The following KCNH7 variants were observed in gnomAD, a reference collection of about 807,000 sequenced individuals.
The protein encoded by KCNH7 is voltage-gated inwardly rectifying potassium channel KCNH7.
A neutral mutation model predicts 120.8 loss-of-function variants in KCNH7; 49 were observed. The ratio of observed to expected loss-of-function variants is 0.41; its 90% CI spans 0.32 to 0.51. KCNH7 has a LOEUF of 0.51. Ranked by LOEUF, KCNH7 falls within the 20% of genes least tolerant of loss-of-function variation. KCNH7 has a pLI of 0.38. For synonymous variants in KCNH7, 547 were observed against 516.1 expected, an observed-to-expected ratio of 1.06 and a Z score of -0.81; for missense variants, 1,097 against 1,446.6, an observed-to-expected ratio of 0.76 and a Z score of 3.92.
At chr2:162,424,824 C>T (rs115657635) in intron 8 of KCNH7, among the ~76,000 whole-genome samples, 1 of 152,036 alleles carries the variant, frequency 6.6e-6, no homozygotes, top group African/African-American at 2.4e-5. Context: ...AAGCAGTGAC[C>T]CCTTGTTTTT....
chr2:162,563,594 A>T (rs17401811), intron 2 of KCNH7, among the ~76,000 whole-genome samples: 96,670 of 152,012 alleles, frequency 0.64, 32,315 homozygotes, highest in African/African-American at 0.84. Flanking sequence ...CCTTGAATTG[A>T]CAAATATGAC....
intron 6 of KCNH7, among the ~76,000 whole-genome samples, chr2:162,488,836 A>T (rs539654723): frequency 2.4e-4 from 37 of 152,178 alleles, no homozygotes; most frequent in Non-Finnish European, 4.6e-4. Context: ...GGGCTCCGAC[A>T]CCTTGCCCGG....
At chr2:162,577,548 G>T (rs1333481038) in intron 2 of KCNH7, among the ~76,000 whole-genome samples, 3 of 151,862 alleles carry the variant, frequency 2.0e-5, no homozygotes, top group Non-Finnish European at 4.4e-5. Context: ...TTAATTTGAG[G>T]CTCTTAGCAC....
chr2:162,372,518 C>A (rs1188439982), intron 15 of KCNH7, among the ~76,000 whole-genome samples: 2 of 152,034 alleles, frequency 1.3e-5, no homozygotes, highest in East Asian at 3.9e-4. Context: ...TTACCTAAAT[C>A]CACTGAAAAC....
At chr2:162,774,498 G>T (rs1683166703) in intron 2 of KCNH7, among the ~76,000 whole-genome samples, 1 of 152,098 alleles carries the variant, frequency 6.6e-6, no homozygotes, top group Admixed American at 6.6e-5. Context: ...TATCCTGTGT[G>T]GAGGGTGGGT....
At chr2:162,614,024 C>G (rs901235227) in intron 2 of KCNH7, among the ~76,000 whole-genome samples, 3 of 151,730 alleles carry the variant, frequency 2.0e-5, no homozygotes, top group Non-Finnish European at 1.5e-5. Flanking sequence ...CTCTTACCCA[C>G]TTCTAGTGGG....
chr2:162,588,109 T>C (rs1694079763), intron 2 of KCNH7, among the ~76,000 whole-genome samples: 1 of 152,012 alleles, frequency 6.6e-6, no homozygotes, highest in African/African-American at 2.4e-5. Flanking sequence ...CCATGGAATG[T>C]AGACAACTAA....
chr2:162,646,743 A>G (rs1200780916), intron 2 of KCNH7, among the ~76,000 whole-genome samples: 3 of 152,164 alleles, frequency 2.0e-5, no homozygotes, highest in Admixed American at 6.5e-5. Flanking sequence ...GATGACAGCA[A>G]AAAAAGAAAA....
chr2:162,453,273 T>A (rs910757004), intron 6 of KCNH7, among the ~76,000 whole-genome samples: 3 of 152,218 alleles, frequency 2.0e-5, no homozygotes, highest in African/African-American at 7.2e-5. Context: ...ATTGTCCATG[T>A]CCCTGCAAAG....
chr2:162,401,569 A>G (rs1183741547), intron 9 of KCNH7, among the ~76,000 whole-genome samples: 1 of 151,980 alleles, frequency 6.6e-6, no homozygotes, highest in Admixed American at 6.6e-5. Context: ...ATTAAATCAT[A>G]TGAGAAAAAA....
intron 2 of KCNH7, among the ~76,000 whole-genome samples, chr2:162,648,841 A>G (rs1684470594): frequency 6.6e-6 from 1 of 151,990 alleles, no homozygotes; most frequent in South Asian, 2.1e-4. Flanking sequence ...GAGCTTACCT[A>G]AATTTTTCTG....
chr2:162,564,968 G>A (rs1693202193), intron 2 of KCNH7, among the ~76,000 whole-genome samples: 1 of 152,010 alleles, frequency 6.6e-6, no homozygotes, highest in Non-Finnish European at 1.5e-5. Context: ...ATATTTAAAG[G>A]CTAATTCAGC....
At chr2:162,583,619 G>A (rs1693944228) in intron 2 of KCNH7, among the ~76,000 whole-genome samples, 1 of 152,084 alleles carries the variant, frequency 6.6e-6, no homozygotes, top group Admixed American at 6.6e-5. Context: ...TGTAAAATAT[G>A]TGAAAAGACA....
chr2:162,492,513 T>C (rs114925640), intron 6 of KCNH7, among the ~76,000 whole-genome samples: 175 of 152,340 alleles, frequency 1.1e-3, no homozygotes, highest in African/African-American at 3.9e-3. Flanking sequence ...ATTTGGTGAT[T>C]ATCTTCCCCT....
At chr2:162,390,799 GA>G (rs1205197940) in intron 12 of KCNH7, among the ~76,000 whole-genome samples, 3 of 151,360 alleles carry the variant, frequency 2.0e-5, no homozygotes, top group East Asian at 1.9e-4. Context: ...TTTTTCCTTA[GA>G]AAAAAAATGT....
chr2:162,441,501 T>A (rs2105540075), intron 7 of KCNH7, among the ~76,000 whole-genome samples: 1 of 152,026 alleles, frequency 6.6e-6, no homozygotes, highest in South Asian at 2.1e-4. Context: ...TCAGAAAAAA[T>A]AACGGTAAAG....
chr2:162,385,437 T>C (rs1686544559), intron 12 of KCNH7, among the ~76,000 whole-genome samples: 1 of 151,920 alleles, frequency 6.6e-6, no homozygotes, highest in Non-Finnish European at 1.5e-5. Context: ...TCAACCTTAG[T>C]CTGATGCATG....
At chr2:162,732,215 A>T (rs1239593865) in intron 2 of KCNH7, among the ~76,000 whole-genome samples, 1 of 152,138 alleles carries the variant, frequency 6.6e-6, no homozygotes, top group Non-Finnish European at 1.5e-5. Flanking sequence ...TCTGTAGCAA[A>T]GTATCTCCTG....
rs762024422 is a variant in KCNH7 at position 162,379,986 on chromosome 2, C to T, written c.2998G>A (p.Ala1000Thr). ...TDMRSWEREN[A>T]HPQPEDSSPS... The stretch of plus-strand genomic sequence containing the variant: ...CTGGAGTCTTCAGGCTGGGGATGTG[C>T]ATTTTCTCGTTCCCAGCTTCGCATG... The change falls in exon 14 of 16, where the codon GCA (alanine) becomes ACA (threonine). Residue 1000 changes from alanine to threonine, a missense_variant. By Grantham distance (58) the Ala-to-Thr change is moderately conservative (BLOSUM62 0). This residue lies in a region of KCNH7 where 406 missense variants were observed against 410.5 expected (regional missense o/e 0.99). Transcript: ENST00000332142. The T allele has an allele frequency of 1.2e-6, 2 of 1,613,996 alleles. No individual in the cohort carries two copies. The highest frequency in any genetic ancestry group is 1.7e-6 in the Non-Finnish European group (2 of 1,179,912).
Sources: allele counts gnomAD v4.1 joint callset (sites outside exome capture counted in the v4.1 genomes callset), GRCh38; gene constraint gnomAD v4.1.1; regional missense constraint gnomAD v4.1.1; transcripts MANE v1.5; gene names NCBI Gene and HGNC (gene_info 2026-07-23, HGNC 2026-07-21).